The following NEMF variants were observed in gnomAD, a reference collection of about 807,000 sequenced individuals.
NEMF encodes nuclear export mediator factor.
A neutral mutation model predicts 162.2 loss-of-function variants in NEMF; 89 were observed. The observed-to-expected ratio is 0.55, with a 90% CI of 0.46 to 0.65. NEMF has a LOEUF of 0.65. Among genes scored for constraint, NEMF ranks in the 30% least tolerant of loss-of-function variants. The pLI, the probability that NEMF is intolerant of heterozygous loss-of-function variation, is 0.00. For synonymous variants in NEMF, 421 were observed against 404.5 expected, an observed-to-expected ratio of 1.04 and a Z score of -0.49; for missense variants, 1,133 against 1,261.9, an observed-to-expected ratio of 0.90 and a Z score of 1.55.
chr14:49,834,573 C>A (rs1006900425), intron 6 of NEMF, 124 bp from the exon 7 acceptor site: 2 of 596,332 alleles, frequency 3.4e-6, no homozygotes, highest in South Asian at 2.1e-5. Context: ...TGGCTCACTG[C>A]AACCTCTGCC....
Position 49,783,031 on chromosome 14 carries a change from A to AATTATATGCATTGTTGTAGTTTG in NEMF, c.*1582_*1604dup. 1 of 1,451,724 alleles carries AATTATATGCATTGTTGTAGTTTG rather than the reference A, an allele frequency of 6.9e-7. No individual in the cohort carries two copies. Among genetic ancestry groups the AATTATATGCATTGTTGTAGTTTG allele is most frequent in the Non-Finnish European group, 9.4e-7 (1 of 1,063,316 alleles). 89.9% of individuals were successfully genotyped at this position (1,451,724 alleles called of 1,614,324 possible). A position where few individuals can be genotyped will look rare whatever the true frequency, so the allele number is the denominator to read the frequency against. ...CATCACAGAGTGGCATCATTTGTAT[A>AATTATATGCATTGTTGTAGTTTG]ATTATATGCATTGTTGTAGTTTGCA... On this transcript the variant is annotated 3_prime_UTR_variant, in exon 33 of 33. Transcript: ENST00000298310.
chr14:49,838,294 T>G, intron 5 of NEMF, 88 bp from the exon 6 acceptor site: 6 of 1,002,350 alleles, frequency 6.0e-6, no homozygotes, highest in Non-Finnish European at 9.4e-6. Context: ...TCTGTATCAG[T>G]TCACCTGATC....
intron 16 of NEMF, among the ~76,000 whole-genome samples, chr14:49,816,036 CA>C (rs1891700379): frequency 6.6e-6 from 1 of 152,104 alleles, no homozygotes; most frequent in African/African-American, 2.4e-5. Context: ...CAGTTCCTGT[CA>C]CTACACCAAA....
intron 15 of NEMF, among the ~76,000 whole-genome samples, chr14:49,826,692 T>C (rs1311582761): frequency 1.3e-5 from 2 of 152,104 alleles, no homozygotes. Context: ...TGCCAGGCAA[T>C]ATTCCAGGGA....
At chr14:49,799,369 T>G (rs1886037816) in intron 25 of NEMF, 106 bp downstream of exon 25, 3 of 875,768 alleles carry the variant, frequency 3.4e-6, no homozygotes, top group Non-Finnish European at 4.9e-6. Context: ...TTGGTAAATT[T>G]AATGAAGGAA....
intron 18 of NEMF, among the ~76,000 whole-genome samples, chr14:49,810,684 A>G (rs1011785308): frequency 1.3e-5 from 2 of 152,146 alleles, no homozygotes; most frequent in Non-Finnish European, 2.9e-5. Flanking sequence ...CCATCTCTGA[A>G]AAAATAAAAT....
At chr14:49,842,594 G>A (rs1297281724) in intron 4 of NEMF, among the ~76,000 whole-genome samples, 1 of 152,256 alleles carries the variant, frequency 6.6e-6, no homozygotes, top group Non-Finnish European at 1.5e-5. Context: ...ACAGAATACG[G>A]TGGGAGTAAT....
rs200430078 is a variant in NEMF at position 49,791,818 on chromosome 14, AT to A, written c.2620-2246del. On this transcript the variant is annotated intron_variant, in intron 26 of 32. Transcript: ENST00000298310. ...TATGTACACTGTACCTCAAAAAAAA[AT>A]TGAGAAAGAATATTGTAACCAATAA... 3.2e-4 allele frequency among the ~76,000 whole-genome samples: 49 copies of A among 152,264 alleles called. 1 individual carries two copies. The East Asian group carries it at 6.0e-3, about 19-fold the overall frequency.
intron 18 of NEMF, among the ~76,000 whole-genome samples, chr14:49,806,421 C>T (rs1347339415): frequency 6.0e-5 from 9 of 149,818 alleles, no homozygotes; most frequent in Non-Finnish European, 7.4e-5. Context: ...CCACCATGCC[C>T]GGCTAAATTT....
chr14:49,822,307 AAAAAT>A (rs1892110285), intron 16 of NEMF, among the ~76,000 whole-genome samples: 1 of 146,874 alleles, frequency 6.8e-6, no homozygotes, highest in African/African-American at 2.5e-5. Flanking sequence ...AAAATAAAAT[AAAAAT>A]AAAAGAATGA....
intron 8 of NEMF, 148 bp from the exon 9 acceptor site, chr14:49,832,425 G>C: frequency 5.3e-6 from 3 of 570,554 alleles, no homozygotes; most frequent in Non-Finnish European, 6.1e-6. Flanking sequence ...TCTGCCTCCC[G>C]GGTTCAAGCA....
At chr14:49,847,864 T>C (rs892426235) in intron 3 of NEMF, among the ~76,000 whole-genome samples, 6 of 151,650 alleles carry the variant, frequency 4.0e-5, no homozygotes, top group African/African-American at 1.5e-4. Context: ...AAACCCCATC[T>C]CTACTAAAAA....
intron 16 of NEMF, among the ~76,000 whole-genome samples, chr14:49,822,141 C>T (rs1198425078): frequency 6.6e-6 from 1 of 151,960 alleles, no homozygotes; most frequent in East Asian, 1.9e-4. Flanking sequence ...CACCACTCCC[C>T]AATCTCAAGT....
Position 49,800,512 on chromosome 14 carries a change from A to G in NEMF, c.2280T>C (p.Asp760=). Residue 760 remains aspartate (D), a synonymous_variant, in exon 23 of 33, where the codon GAT becomes GAC. Coordinates refer to ENST00000298310, the MANE Select transcript of NEMF (RefSeq NM_004713.6). ...DEGEYEEVRK[D]QDSVGEMKDE... The stretch of plus-strand genomic sequence containing the variant: ...CCTTCATTTCACCAACAGAATCCTG[A>G]TCTTTTCTAACCTCTTCATATTCTC... 3 of 1,613,932 alleles carry G rather than the reference A, an allele frequency of 1.9e-6. No homozygotes were observed. Among genetic ancestry groups the G allele is most frequent in the Non-Finnish European group, 2.5e-6 (3 of 1,179,892 alleles).
chr14:49,782,698 C>T lies in NEMF; in HGVS notation c.*1938G>A. On this transcript the variant is annotated 3_prime_UTR_variant, in exon 33 of 33. Coordinates refer to ENST00000298310, the MANE Select transcript of NEMF (RefSeq NM_004713.6). ...TATGGATTATTTAAGGGCAATAAAA[C>T]TTCATTGCTATAACCAGTTCCTATG... The T allele has an allele frequency of 7.4e-7, 1 of 1,354,860 alleles. No homozygotes were observed. Among genetic ancestry groups the T allele is most frequent in the South Asian group, 1.4e-5 (1 of 72,860 alleles). 83.9% of individuals were successfully genotyped at this position (1,354,860 alleles called of 1,614,324 possible).
intron 18 of NEMF, among the ~76,000 whole-genome samples, chr14:49,806,541 T>C (rs5015780): frequency 0.011 from 1,655 of 151,668 alleles, 28 homozygotes; most frequent in African/African-American, 0.035. Context: ...ACTACAGGCA[T>C]GAGCCACCGA....
At chr14:49,815,754 G>A (rs2139909057) in intron 16 of NEMF, among the ~76,000 whole-genome samples, 1 of 152,198 alleles carries the variant, frequency 6.6e-6, no homozygotes, top group Middle Eastern at 3.4e-3. Context: ...CACGAGCTCA[G>A]GAGATCGAGA....
At chr14:49,819,815 A>G (rs1400502503) in intron 16 of NEMF, among the ~76,000 whole-genome samples, 1 of 152,122 alleles carries the variant, frequency 6.6e-6, no homozygotes, top group East Asian at 1.9e-4. Context: ...GTGTGTTTTC[A>G]TTTGTGAGCA....
chr14:49,823,111 TG>T (rs2139942274), intron 16 of NEMF, among the ~76,000 whole-genome samples: 1 of 152,124 alleles, frequency 6.6e-6, no homozygotes, highest in Non-Finnish European at 1.5e-5. Context: ...TAATTTTTTT[TG>T]TATTTTTAGT....
Sources: gnomAD v4.1 joint callset for allele counts (sites outside exome capture counted in the v4.1 genomes callset) on GRCh38, gnomAD v4.1.1 for gene constraint, MANE v1.5 for transcripts, NCBI Gene and HGNC (gene_info 2026-07-23, HGNC 2026-07-21) for gene names.